Variants in ADAMTS5 observed in about 807,000 individuals in gnomAD.
ADAMTS5 encodes ADAM metallopeptidase with thrombospondin type 1 motif 5.
In ADAMTS5, 54 loss-of-function variants were observed where a neutral mutation model predicts 81.4. The observed-to-expected ratio is 0.66, with a 90% confidence interval of 0.53 to 0.83. The LOEUF is 0.83. Among genes scored for constraint, ADAMTS5 ranks in the 40% least tolerant of loss-of-function variants. ADAMTS5 has a pLI of 0.00. For missense variants in ADAMTS5, 1,194 were observed against 1,229.9 expected (o/e 0.97, Z 0.44); for synonymous variants, 532 against 508.8 (o/e 1.05, Z -0.61).
rs201774694 is a variant in ADAMTS5, at chr21:26,932,844, A to G, written c.1873+17T>C. ...CATGTAGCATATGATGGTTGCTGAC[A>G]CTTGGGAGCAGCGTACCATTGGGTG... On this transcript the variant is annotated intron_variant, in intron 5 of 7. Transcript: ENST00000284987. 20 of 1,590,144 alleles carry G rather than the reference A, an allele frequency of 1.3e-5. No homozygotes were observed. The Admixed American group carries it at 3.3e-4, about 26-fold the overall frequency.
rs1195944715 is a variant in ADAMTS5, at chr21:26,954,738, C to A, written c.1237+1G>T. 6.2e-7 allele frequency: 1 copy of A among 1,613,530 alleles called. No homozygotes were observed. The highest frequency in any genetic ancestry group is 8.5e-7 in the Non-Finnish European group (1 of 1,179,832). Reference sequence around the variant, plus strand: ...GAGGGAAAAGAAAAGGCGCTGCATACCGATTTCGTGAGCCACAGTGAAGGC... The same window carrying A: ...GAGGGAAAAGAAAAGGCGCTGCATAACGATTTCGTGAGCCACAGTGAAGGC... On this transcript the variant is annotated splice_donor_variant, in intron 2 of 7. Coordinates refer to ENST00000284987, the MANE Select transcript of ADAMTS5 (RefSeq NM_007038.5). LOFTEE classifies it high-confidence loss of function.
Position 26,941,041 on chromosome 21 carries a change from C to T in ADAMTS5, c.1405+2339G>A, listed in dbSNP as rs149939704. 9.4e-3 allele frequency among the ~76,000 whole-genome samples: 1,430 copies of T among 152,154 alleles called. 12 individuals carry two copies. Among genetic ancestry groups the T allele is most frequent in the South Asian group, 0.035 (169 of 4,826 alleles). On this transcript the variant is annotated intron_variant, in intron 3 of 7. Coordinates refer to ENST00000284987, the MANE Select transcript of ADAMTS5 (RefSeq NM_007038.5). ...ACAAAGTAAGACAGACATAACTGAG[C>T]TTTGTCATTGTGCCACACTGCTTTT...
At chr21:26,942,325 T>TGTG (rs1987130395) in intron 3 of ADAMTS5, among the ~76,000 whole-genome samples, 1 of 152,148 alleles carries the variant, frequency 6.6e-6, no homozygotes, top group Non-Finnish European at 1.5e-5. Context: ...TCATAAACTT[T>TGTG]GTGGAACTGG....
chr21:26,925,110 C>T (rs1028032211), intron 7 of ADAMTS5, among the ~76,000 whole-genome samples: 2 of 152,184 alleles, frequency 1.3e-5, no homozygotes, highest in African/African-American at 4.8e-5. Context: ...AGCCTACCCA[C>T]ACCTCAGACC....
Position 26,918,734 on chromosome 21 carries a change from T to C in ADAMTS5, c.*5319A>G, listed in dbSNP as rs1262092135. 2.0e-5 allele frequency: 3 copies of C among 151,888 alleles called. No homozygotes were observed. Among genetic ancestry groups the C allele is most frequent in the Non-Finnish European group, 4.4e-5 (3 of 67,900 alleles). The allele number at this position is 151,888 out of a possible 1,614,324, so 9.4% of individuals were successfully genotyped here. A position where few individuals can be genotyped will look rare whatever the true frequency, so the allele number is the denominator to read the frequency against. On this transcript the variant is annotated 3_prime_UTR_variant, in exon 8 of 8. Coordinates refer to ENST00000284987, the MANE Select transcript of ADAMTS5 (RefSeq NM_007038.5). ...AGGTAGACGTGTTTCTAATATATTG[T>C]GAGTTGTTAAAGAAAAGGCTGAGAT... is the stretch of plus-strand genomic sequence containing the variant.
intron 3 of ADAMTS5, 135 bp from the exon 4 acceptor site, chr21:26,934,884 A>G (rs1215924402): frequency 3.3e-6 from 4 of 1,215,774 alleles, no homozygotes; most frequent in Non-Finnish European, 4.5e-6. Context: ...AATGCTCTGG[A>G]GAGGGACTCC....
intron 2 of ADAMTS5, among the ~76,000 whole-genome samples, chr21:26,949,362 A>G (rs1987277156): frequency 6.6e-6 from 1 of 151,554 alleles, no homozygotes; most frequent in African/African-American, 2.4e-5. Flanking sequence ...TGGCTAATTT[A>G]TTTATTTATT....
chr21:26,929,741 C>T, intron 7 of ADAMTS5, 145 bp downstream of exon 7: 1 of 661,724 alleles, frequency 1.5e-6, no homozygotes, highest in Non-Finnish European at 2.3e-6. Context: ...TCTCTTCCTT[C>T]TCATATTTAA....
At position 26,965,372 on chromosome 21, in the gene ADAMTS5, GTTC is replaced by G. The variant is rs752639406; in HGVS notation, c.1017_1019del (p.Lys339del). Reference sequence around the variant, plus strand: ...TGTGTTGGTGCTGCCACTTGCAAAAGTTCTTGAGTGTGGTGGCAGCGTTCTTGC... The same window carrying G: ...TGTGTTGGTGCTGCCACTTGCAAAAGTTGAGTGTGGTGGCAGCGTTCTTGC... On this transcript the variant is annotated inframe_deletion, in exon 1 of 8. Coordinates refer to ENST00000284987, the MANE Select transcript of ADAMTS5 (RefSeq NM_007038.5). The G allele has an allele frequency of 6.2e-7, 1 of 1,614,258 alleles. No individual in the cohort carries two copies. The highest frequency in any genetic ancestry group is 8.5e-7 in the Non-Finnish European group (1 of 1,180,048).
chr21:26,932,278 G>A lies in ADAMTS5; in HGVS notation c.1874-99C>T, dbSNP rs183991404. 7.2e-4 allele frequency: 966 copies of A among 1,333,638 alleles called. 2 individuals are homozygous for A. The highest frequency in any genetic ancestry group is 4.5e-3 in the East Asian group (181 of 40,368). 82.6% of individuals were successfully genotyped at this position (1,333,638 alleles called of 1,614,324 possible). On this transcript the variant is annotated intron_variant, in intron 5 of 7. Transcript: ENST00000284987. Reference sequence around the variant, plus strand: ...TTAATTTTAAGGGGAAGATGCAAACGTGTTTTTTTTATCCCACAGTCTCTT... The same window carrying A: ...TTAATTTTAAGGGGAAGATGCAAACATGTTTTTTTTATCCCACAGTCTCTT...
chr21:26,941,824 T>G (rs1987119688), intron 3 of ADAMTS5, among the ~76,000 whole-genome samples: 1 of 152,078 alleles, frequency 6.6e-6, no homozygotes, highest in Non-Finnish European at 1.5e-5. Flanking sequence ...CAAGAAGGAC[T>G]TTATGAGATA....
In ADAMTS5 at chr21:26,918,829, A is replaced by C. The variant is rs2123224460; in HGVS notation, c.*5224T>G. The C allele has an allele frequency of 6.6e-6, 1 of 152,042 alleles. No individual in the cohort carries two copies. Among genetic ancestry groups the C allele is most frequent in the East Asian group, 1.9e-4 (1 of 5,172 alleles). The allele number at this position is 152,042 out of a possible 1,614,324, so 9.4% of individuals were successfully genotyped here. On this transcript the variant is annotated 3_prime_UTR_variant, in exon 8 of 8. Coordinates refer to ENST00000284987, the MANE Select transcript of ADAMTS5 (RefSeq NM_007038.5). Reference sequence around the variant, plus strand: ...TGAAAAAAAATCAGGCCAAATATACACGACAGTTTGAATGGAATGCTGAGG... The same window carrying C: ...TGAAAAAAAATCAGGCCAAATATACCCGACAGTTTGAATGGAATGCTGAGG...
At chr21:26,940,747 T>A (rs1271834510) in intron 3 of ADAMTS5, among the ~76,000 whole-genome samples, 1 of 152,158 alleles carries the variant, frequency 6.6e-6, no homozygotes, top group Non-Finnish European at 1.5e-5. Context: ...TTTAGTCTTC[T>A]AACAAAGATG....
At position 26,932,277 on chromosome 21, in the gene ADAMTS5, C is replaced by T. The variant is rs949850142; in HGVS notation, c.1874-98G>A. 111 of 1,353,966 alleles carry T rather than the reference C, an allele frequency of 8.2e-5. 1 individual carries two copies. Among genetic ancestry groups the T allele is most frequent in the African/African-American group, 3.7e-4 (25 of 68,046 alleles). 83.9% of individuals were successfully genotyped at this position (1,353,966 alleles called of 1,614,324 possible). A position where few individuals can be genotyped will look rare whatever the true frequency, so the allele number is the denominator to read the frequency against. Reference sequence around the variant, plus strand: ...GTTAATTTTAAGGGGAAGATGCAAACGTGTTTTTTTTATCCCACAGTCTCT... The same window carrying T: ...GTTAATTTTAAGGGGAAGATGCAAATGTGTTTTTTTTATCCCACAGTCTCT... On this transcript the variant is annotated intron_variant, in intron 5 of 7. Transcript: ENST00000284987.
intron 2 of ADAMTS5, among the ~76,000 whole-genome samples, chr21:26,947,918 A>T (rs1212679357): frequency 6.6e-6 from 1 of 152,234 alleles, no homozygotes; most frequent in East Asian, 1.9e-4. Context: ...ATGATAAATT[A>T]TGTCAGAGTA....
chr21:26,966,047 G>A lies in ADAMTS5; in HGVS notation c.345C>T (p.Pro115=), dbSNP rs369773112. 7 of 1,613,124 alleles carry A rather than the reference G, an allele frequency of 4.3e-6. No homozygotes were observed. Among genetic ancestry groups the A allele is most frequent in the Non-Finnish European group, 5.1e-6 (6 of 1,179,954 alleles). ...AGGGCGCACTCGTCCCGCCTCCTGCGGGCACGAAGCCAGCAATGCCCACCG... is the reference window on the plus strand; with the variant it reads ...AGGGCGCACTCGTCCCGCCTCCTGCAGGCACGAAGCCAGCAATGCCCACCG... ...DGSVGIAGFV[P]AGGGTSAPWR... is the part of the protein sequence containing the mutation. The change falls in exon 1 of 8, where the codon CCC becomes CCT. Residue 115 remains proline (P), a synonymous_variant. Coordinates refer to ENST00000284987, the MANE Select transcript of ADAMTS5 (RefSeq NM_007038.5).
intron 1 of ADAMTS5, among the ~76,000 whole-genome samples, chr21:26,962,980 A>G (rs1160074811): frequency 6.6e-6 from 1 of 151,204 alleles, no homozygotes; most frequent in East Asian, 1.9e-4. Flanking sequence ...AATTAGTAAC[A>G]CTCTTTTAAA....
At position 26,955,151 on chromosome 21, in the gene ADAMTS5, G is replaced by A. The variant is rs184121773; in HGVS notation, c.1105-280C>T. ...TAGCACCCGCAGCTTTAACAAAGCC[G>A]TAATGCAGATACGTCTCTGATCACC... On this transcript the variant is annotated intron_variant, in intron 1 of 7. Transcript: ENST00000284987. 3.3e-5 allele frequency among the ~76,000 whole-genome samples: 5 copies of A among 152,256 alleles called. No homozygotes were observed. In the East Asian group the frequency reaches 5.8e-4, roughly 18 times the overall value.
In ADAMTS5 at chr21:26,933,010, G is replaced by C; in HGVS notation, c.1724C>G (p.Ser575Cys). The change falls in exon 5 of 8, where the codon TCC becomes TGC. Residue 575 changes from serine to cysteine, a missense_variant. By Grantham distance (112) the Ser-to-Cys change is moderately radical (BLOSUM62 -1). Around this residue, in one of 2 missense-constraint regions of ADAMTS5, gnomAD observed 696 missense variants for 817.6 expected, o/e 0.85. Coordinates refer to ENST00000284987, the MANE Select transcript of ADAMTS5 (RefSeq NM_007038.5). ...SSHGNWGSWG[S>C]WGQCSRSCGG... ...ACATGAGCGAGAACACTGGCCCCAG[G>C]ATCCCCAAGATCCCCAGTTGCCATG... 6.2e-7 allele frequency: 1 copy of C among 1,613,360 alleles called. No individual in the cohort carries two copies. The highest frequency in any genetic ancestry group is 1.1e-5 in the South Asian group (1 of 90,866).
Sources: gnomAD v4.1 joint callset for allele counts (sites outside exome capture counted in the v4.1 genomes callset) on GRCh38, gnomAD v4.1.1 for gene constraint, gnomAD v4.1.1 regional missense constraint, MANE v1.5 for transcripts, NCBI Gene and HGNC (gene_info 2026-07-23, HGNC 2026-07-21) for gene names.